SYTL2: variants seen among roughly 807,000 people sequenced by gnomAD.
SYTL2 encodes the protein synaptotagmin-like protein 2.
In SYTL2, 165 loss-of-function variants were observed where a neutral mutation model predicts 198.7. The observed-to-expected ratio is 0.83, with a 90% CI of 0.73 to 0.94. The LOEUF (loss-of-function observed/expected upper bound fraction) is 0.94, where lower values mean the gene tolerates loss of function less well. Ranked by LOEUF, SYTL2 falls within the 40% of genes least tolerant of loss-of-function variation. The pLI is 0.00. For missense variants in SYTL2, 2,835 were observed against 2,582.8 expected (o/e 1.10, Z -2.12); for synonymous variants, 966 against 917.7 (o/e 1.05, Z -0.95).
At chr11:85,748,182 C>T (rs1565976617) in intron 3 of SYTL2, 90 bp downstream of exon 3, 1 of 1,383,198 alleles carries the variant, frequency 7.2e-7, no homozygotes, top group East Asian at 2.3e-5. Flanking sequence ...AAATGATTTC[C>T]ATCAGCAGAT....
the SYTL2 span, among the ~76,000 whole-genome samples, chr11:85,831,444 CAATT>C: frequency 6.6e-6 from 1 of 152,016 alleles, no homozygotes; most frequent in African/African-American, 2.4e-5. Context: ...ATCTGAAAAA[CAATT>C]AAACTGTCCT....
At chr11:85,698,343 T>G (rs1390239406) in intron 17 of SYTL2, among the ~76,000 whole-genome samples, 1 of 152,238 alleles carries the variant, frequency 6.6e-6, no homozygotes, top group Non-Finnish European at 1.5e-5. Context: ...GGGGTTTTGC[T>G]TGATTCAACA....
chr11:85,834,400 T>C, the SYTL2 span, among the ~76,000 whole-genome samples: 3 of 152,206 alleles, frequency 2.0e-5, no homozygotes, highest in African/African-American at 7.2e-5. Flanking sequence ...TTTTTCTTTA[T>C]GGTTTTGCAG....
At chr11:85,708,781 G>A (rs907860974) in intron 14 of SYTL2, among the ~76,000 whole-genome samples, 17 of 147,516 alleles carry the variant, frequency 1.2e-4, no homozygotes, top group Non-Finnish European at 2.1e-4. Flanking sequence ...TGAAGGAACT[G>A]AACAAGATGA....
At position 85,809,856 on chromosome 11, in the gene SYTL2, G is replaced by A. The variant is rs192085280; in HGVS notation, c.-390+1098C>T. Among the ~76,000 whole-genome samples the A allele has an allele frequency of 9.9e-4, 151 of 152,332 alleles. 1 individual carries two copies. Among genetic ancestry groups the A allele is most frequent in the African/African-American group, 3.5e-3 (144 of 41,574 alleles). On this transcript the variant is annotated intron_variant, in intron 1 of 19. Coordinates refer to ENST00000359152, the MANE Select transcript of SYTL2 (RefSeq NM_206927.4). ...CTGGATACCACACTAAGGGTGAGAA[G>A]GGGCAGAACTTCAGGGGTGGAGGAA...
chr11:85,820,815 C>T, the SYTL2 span, among the ~76,000 whole-genome samples: 10 of 152,232 alleles, frequency 6.6e-5, no homozygotes, highest in African/African-American at 2.2e-4. Flanking sequence ...CTTTAGGCTG[C>T]ACACTTAAGA....
At position 85,704,810 on chromosome 11, in the gene SYTL2, G is replaced by A. The variant is rs199605076; in HGVS notation, c.6189+48C>T. ...AATTAAGCTTTTTCCTATACACTAG[G>A]TACCACATCAACCAACCAAATAAAC... On this transcript the variant is annotated intron_variant, in intron 16 of 19. Transcript: ENST00000359152. 1.8e-5 allele frequency: 27 copies of A among 1,531,636 alleles called. No individual in the cohort carries two copies. The East Asian group carries it at 5.6e-4, about 32-fold the overall frequency. The allele number at this position is 1,531,636 out of a possible 1,614,324, so 94.9% of individuals were successfully genotyped here.
intron 1 of SYTL2, among the ~76,000 whole-genome samples, chr11:85,805,813 TA>T (rs2092951677): frequency 1.3e-5 from 2 of 152,226 alleles, no homozygotes; most frequent in Non-Finnish European, 2.9e-5. Context: ...CTACGTCTTA[TA>T]TCTACCTACC....
intron 1 of SYTL2, among the ~76,000 whole-genome samples, chr11:85,774,108 C>T (rs114145498): frequency 2.5e-3 from 375 of 152,202 alleles, no homozygotes; most frequent in African/African-American, 8.2e-3. Flanking sequence ...GCCTTGTTCA[C>T]TACTAATAAC....
intron 1 of SYTL2, among the ~76,000 whole-genome samples, chr11:85,767,419 A>G (rs1188075452): frequency 6.6e-6 from 1 of 152,248 alleles, no homozygotes; most frequent in Non-Finnish European, 1.5e-5. Flanking sequence ...GATGAATATC[A>G]GATTTAATTA....
intron 1 of SYTL2, among the ~76,000 whole-genome samples, chr11:85,760,483 G>A (rs2092067081): frequency 6.6e-6 from 1 of 152,146 alleles, no homozygotes; most frequent in Non-Finnish European, 1.5e-5. Flanking sequence ...ATATCACCAA[G>A]AGATGGCTAT....
At chr11:85,822,214 C>A in the SYTL2 span, among the ~76,000 whole-genome samples, 1 of 152,158 alleles carries the variant, frequency 6.6e-6, no homozygotes, top group Non-Finnish European at 1.5e-5. Context: ...CTCTGTGAGT[C>A]TCAGGTGTAA....
At chr11:85,696,932 A>AC (rs2083492247) in intron 18 of SYTL2, among the ~76,000 whole-genome samples, 1 of 150,880 alleles carries the variant, frequency 6.6e-6, no homozygotes, top group South Asian at 2.1e-4. Context: ...AAATTATGTA[A>AC]TTTTTTTTTT....
At chr11:85,710,926 G>A (rs1278757838) in intron 13 of SYTL2, among the ~76,000 whole-genome samples, 187 bp downstream of exon 13, 2 of 152,014 alleles carry the variant, frequency 1.3e-5, no homozygotes, top group Non-Finnish European at 2.9e-5. Flanking sequence ...TGTTTATGAT[G>A]GATATGAACC....
intron 6 of SYTL2, among the ~76,000 whole-genome samples, 194 bp downstream of exon 6, chr11:85,736,307 C>A (rs941280995): frequency 1.3e-4 from 20 of 152,320 alleles, no homozygotes; most frequent in Non-Finnish European, 2.2e-4. Context: ...GACTGGAATG[C>A]GTGAGCTATC....
intron 1 of SYTL2, among the ~76,000 whole-genome samples, chr11:85,798,362 T>A (rs1343464950): frequency 6.6e-6 from 1 of 152,248 alleles, no homozygotes; most frequent in Non-Finnish European, 1.5e-5. Context: ...CTTCTTCACA[T>A]GCCTAAATAC....
intron 4 of SYTL2, among the ~76,000 whole-genome samples, chr11:85,740,725 C>T (rs2090721772): frequency 6.6e-6 from 1 of 152,222 alleles, no homozygotes; most frequent in Non-Finnish European, 1.5e-5. Flanking sequence ...AAAAAAGGAA[C>T]TGCAACATTA....
Position 85,695,306 on chromosome 11 carries a change from G to A in SYTL2, c.6609C>T (p.Asp2203=). 1.9e-6 allele frequency: 3 copies of A among 1,607,638 alleles called. No homozygotes were observed. The highest frequency in any genetic ancestry group is 2.6e-6 in the Non-Finnish European group (3 of 1,176,124). ...KSYGTEVDWM[D]STSEEVALWE... ...AGAGAGCAACTTCCTCTGAAGTAGA[G>A]TCCATCCAGTCCACTTCAGTCCCAT... Residue 2203 remains aspartate, a synonymous_variant, in exon 20 of 20, where the codon GAC becomes GAT. Transcript: ENST00000359152.
At chr11:85,728,005 C>A in intron 7 of SYTL2, 38 bp from the exon 8 acceptor site, 2 of 1,504,800 alleles carry the variant, frequency 1.3e-6, no homozygotes, top group Non-Finnish European at 1.8e-6. Flanking sequence ...AAGAAAAGAG[C>A]ATGCTTAAAG....
Sources: allele counts gnomAD v4.1 joint callset (sites outside exome capture counted in the v4.1 genomes callset), GRCh38; gene constraint gnomAD v4.1.1; transcripts MANE v1.5; gene names NCBI Gene and HGNC (gene_info 2026-07-23, HGNC 2026-07-21).